ESCO2: variants seen among roughly 807,000 people sequenced by gnomAD.
ESCO2 encodes the protein establishment of sister chromatid cohesion N-acetyltransferase 2.
Under a neutral mutation model 61.7 loss-of-function variants are expected in ESCO2, and 51 were observed. The observed-to-expected ratio is 0.83, with a 90% CI of 0.66 to 1.04. ESCO2 has a LOEUF of 1.04. Among genes scored for constraint, ESCO2 ranks in the 50% least tolerant of loss-of-function variants. The probability of loss-of-function intolerance (pLI) is 0.00; values close to 1 mark genes in which losing one functional copy is unlikely to be tolerated. For missense variants in ESCO2, 692 were observed against 686.2 expected (o/e 1.01, Z -0.09); for synonymous variants, 230 against 238.2 (o/e 0.97, Z 0.32).
downstream of ESCO2, among the ~76,000 whole-genome samples, chr8:27,813,919 T>A (rs551125647): frequency 1.3e-5 from 2 of 148,528 alleles, no homozygotes; most frequent in Admixed American, 6.7e-5. Context: ...TTTTTTCTTA[T>A]CAGTTTATTT....
intron 9 of ESCO2, among the ~76,000 whole-genome samples, chr8:27,796,269 C>T (rs1805294437): frequency 6.6e-6 from 1 of 152,038 alleles, no homozygotes; most frequent in Non-Finnish European, 1.5e-5. Context: ...CTGTGATAAT[C>T]AGTTGTAATG....
chr8:27,791,514 A>G (rs1185226980), intron 7 of ESCO2, among the ~76,000 whole-genome samples: 2 of 152,216 alleles, frequency 1.3e-5, no homozygotes, highest in Non-Finnish European at 2.9e-5. Context: ...AGATTAAAAT[A>G]GTTGTAAGAC....
chr8:27,811,343 T>G (rs1585419624), downstream of ESCO2: 4 of 602,484 alleles, frequency 6.6e-6, no homozygotes, highest in East Asian at 8.3e-5. Flanking sequence ...TTGGCAGGTA[T>G]GTAGAGAAAC....
At chr8:27,773,404 G>A (rs1220768146), upstream of ESCO2, among the ~76,000 whole-genome samples, 1 of 148,836 alleles carries the variant, frequency 6.7e-6, no homozygotes, top group African/African-American at 2.5e-5. Flanking sequence ...CCCCTTCTTC[G>A]TCTTTAAAAA....
chr8:27,783,726 C>T (rs976838272), intron 4 of ESCO2, among the ~76,000 whole-genome samples: 19 of 152,164 alleles, frequency 1.2e-4, no homozygotes, highest in African/African-American at 3.6e-4. Context: ...CAAGCATGAG[C>T]CACCACGCCT....
intron 4 of ESCO2, 76 bp from the exon 5 acceptor site, chr8:27,783,924 T>C: frequency 7.6e-7 from 1 of 1,317,606 alleles, no homozygotes; most frequent in South Asian, 1.2e-5. Flanking sequence ...TTTGTCTTAT[T>C]AACCTTTGAA....
chr8:27,803,371 A>G lies in ESCO2; in HGVS notation c.1739A>G (p.Asp580Gly). 1 of 1,614,070 alleles carries G rather than the reference A, an allele frequency of 6.2e-7. No individual in the cohort carries two copies. Among genetic ancestry groups the G allele is most frequent in the Non-Finnish European group, 8.5e-7 (1 of 1,180,002 alleles). The change falls in exon 11 of 11, where the codon GAT becomes GGT. Residue 580 changes from aspartate (D) to glycine (G), a missense_variant. Asp to Gly is a moderately conservative substitution (Grantham distance 94, BLOSUM62 -1). Coordinates refer to ENST00000305188, the MANE Select transcript of ESCO2 (RefSeq NM_001017420.3). The stretch of plus-strand genomic sequence containing the variant: ...ATAGCATTTTCTGACCCAACACCAG[A>G]TGGCAAGTTATTTGCAACCAAGTAC... ...DEIAFSDPTP[D>G]GKLFATKYCN...
At chr8:27,802,587 G>A (rs1380786423) in intron 10 of ESCO2, among the ~76,000 whole-genome samples, 13 of 87,656 alleles carry the variant, frequency 1.5e-4, no homozygotes, top group Admixed American at 8.6e-4. Flanking sequence ...CAGCCTGGGC[G>A]ACAAAGTGAG....
chr8:27,790,353 T>C (rs1185993854), intron 7 of ESCO2, among the ~76,000 whole-genome samples: 2 of 152,224 alleles, frequency 1.3e-5, no homozygotes, highest in East Asian at 3.8e-4. Flanking sequence ...AGTAATACTT[T>C]CACATGATTC....
In ESCO2 at chr8:27,803,670, C is replaced by G; in HGVS notation, c.*232C>G. On this transcript the variant is annotated 3_prime_UTR_variant, in exon 11 of 11. Transcript: ENST00000305188. The stretch of plus-strand genomic sequence containing the variant: ...TCAAAGGAAAAATCTTTGGGTGATT[C>G]CCTGATTAGCACTCTGAATGTTTAA... 1 of 1,319,348 alleles carries G rather than the reference C, an allele frequency of 7.6e-7. No homozygotes were observed. The highest frequency in any genetic ancestry group is 1.5e-5 in the African/African-American group (1 of 66,690). The allele number at this position is 1,319,348 out of a possible 1,614,324, so 81.7% of individuals were successfully genotyped here. A position where few individuals can be genotyped will look rare whatever the true frequency, so the allele number is the denominator to read the frequency against.
At chr8:27,794,882 G>A (rs1805260440) in intron 9 of ESCO2, among the ~76,000 whole-genome samples, 1 of 152,132 alleles carries the variant, frequency 6.6e-6, no homozygotes, top group East Asian at 1.9e-4. Context: ...GACACCAGTT[G>A]ACTCTAAATG....
chr8:27,810,876 A>T, downstream of ESCO2: 1 of 905,544 alleles, frequency 1.1e-6, no homozygotes, highest in Non-Finnish European at 1.7e-6. Context: ...CAGTACTAAT[A>T]CATATCTTAG....
At chr8:27,799,414 GA>G in intron 9 of ESCO2, 126 bp from the exon 10 acceptor site, 1 of 1,003,202 alleles carries the variant, frequency 1.0e-6, no homozygotes, top group Non-Finnish European at 1.5e-6. Flanking sequence ...TTAAGAAATA[GA>G]AAATATTTTT....
Position 27,791,965 on chromosome 8 carries a change from T to C in ESCO2, c.1266T>C (p.Gly422=), listed in dbSNP as rs757868431. ...ACCCTTTTGTTTTCCTTTGGCAGGG[T>C]TGGAAGAAAGAACGTGTAGTAGCAG... ...HRFLEGIKYV[G]WKKERVVAEF... The change falls in exon 8 of 11, where the codon GGT becomes GGC. Residue 422 remains glycine, a splice_region_variant and synonymous_variant. Coordinates refer to ENST00000305188, the MANE Select transcript of ESCO2 (RefSeq NM_001017420.3). 2 of 1,613,988 alleles carry C rather than the reference T, an allele frequency of 1.2e-6. No individual in the cohort carries two copies. The highest frequency in any genetic ancestry group is 1.7e-6 in the Non-Finnish European group (2 of 1,179,944).
At chr8:27,812,744 G>A (rs1805717838), downstream of ESCO2, 1 of 151,906 alleles carries the variant, frequency 6.6e-6, no homozygotes, top group Admixed American at 6.6e-5. Flanking sequence ...GGTCATCAAA[G>A]AAATGCAAAT....
chr8:27,804,189 A>G lies in ESCO2; in HGVS notation c.*751A>G. ...TCTGTAGAGCAGAATTTGATAGCTT[A>G]GTGTTCAATCTTTTTGAAAATAAAT... is the stretch of plus-strand genomic sequence containing the variant. On this transcript the variant is annotated 3_prime_UTR_variant, in exon 11 of 11. Coordinates refer to ENST00000305188, the MANE Select transcript of ESCO2 (RefSeq NM_001017420.3). The G allele has an allele frequency of 1.0e-6, 1 of 985,404 alleles. No homozygotes were observed. Among genetic ancestry groups the G allele is most frequent in the African/African-American group, 1.7e-5 (1 of 57,380 alleles). 61.0% of individuals were successfully genotyped at this position (985,404 alleles called of 1,614,324 possible).
the ESCO2 span, among the ~76,000 whole-genome samples, chr8:27,817,841 T>G: frequency 6.6e-6 from 1 of 152,204 alleles, no homozygotes. Context: ...ACTGCAAGAC[T>G]TTCTAGAGCA....
chr8:27,789,623 T>C (rs1005847363), intron 7 of ESCO2, among the ~76,000 whole-genome samples: 33 of 151,890 alleles, frequency 2.2e-4, no homozygotes, highest in Admixed American at 2.2e-3. Flanking sequence ...CTACTAAAAA[T>C]ACAAAAAATT....
At chr8:27,802,607 C>CAAAAAAAAAAA (rs1188348304) in intron 10 of ESCO2, among the ~76,000 whole-genome samples, 1 of 29,182 alleles carries the variant, frequency 3.4e-5, no homozygotes, top group East Asian at 4.6e-4. Flanking sequence ...GACTCTGTCT[C>CAAAAAAAAAAA]AAAAAAAAAA....
Sources: allele counts gnomAD v4.1 joint callset (sites outside exome capture counted in the v4.1 genomes callset), GRCh38; gene constraint gnomAD v4.1.1; transcripts MANE v1.5; gene names NCBI Gene and HGNC (gene_info 2026-07-23, HGNC 2026-07-21).